VWC2L: variants seen among roughly 807,000 people sequenced by gnomAD.
The protein encoded by VWC2L is von Willebrand factor C domain-containing protein 2-like.
A neutral mutation model predicts 21.6 loss-of-function variants in VWC2L; 10 were observed. That is an observed-to-expected ratio of 0.46 (90% confidence interval 0.29 to 0.78). The LOEUF is 0.78. Ranked by LOEUF, VWC2L falls within the 30% of genes least tolerant of loss-of-function variation. The pLI, the probability that VWC2L is intolerant of heterozygous loss-of-function variation, is 0.10. For missense variants in VWC2L, 209 were observed against 277.1 expected (o/e 0.75, Z 1.74); for synonymous variants, 96 against 94.3 (o/e 1.02, Z -0.10).
chr2:214,422,836 A>C (rs1279723473), intron 2 of VWC2L, among the ~76,000 whole-genome samples: 1 of 152,222 alleles, frequency 6.6e-6, no homozygotes, highest in Non-Finnish European at 1.5e-5. Context: ...AAGTTTTCAG[A>C]TGACATTATT....
rs180743879 is a variant in VWC2L, at chr2:214,428,613, A to G, written c.391-8016A>G. Among the ~76,000 whole-genome samples, 14 of 152,310 alleles carry G rather than the reference A, an allele frequency of 9.2e-5. 1 individual carries two copies. In the East Asian group the frequency reaches 2.7e-3, roughly 29 times the overall value. On this transcript the variant is annotated intron_variant, in intron 2 of 3. Coordinates refer to ENST00000312504, the MANE Select transcript of VWC2L (RefSeq NM_001080500.4). The stretch of plus-strand genomic sequence containing the variant: ...GAATGAGATAAGCTATGAACTAAGC[A>G]TCAAATAATGAACTATCAAATTCAG...
At chr2:214,492,897 G>T (rs1445183043) in intron 3 of VWC2L, among the ~76,000 whole-genome samples, 1 of 152,136 alleles carries the variant, frequency 6.6e-6, no homozygotes, top group Admixed American at 6.6e-5. Flanking sequence ...TGAGTTTGCT[G>T]GGGCTTTTGC....
intron 3 of VWC2L, among the ~76,000 whole-genome samples, chr2:214,529,540 A>G (rs1689399375): frequency 6.6e-6 from 1 of 152,150 alleles, no homozygotes; most frequent in Non-Finnish European, 1.5e-5. Flanking sequence ...TCAAGACCAC[A>G]TATTTGATTT....
chr2:214,550,938 C>G (rs1465607813), intron 3 of VWC2L, among the ~76,000 whole-genome samples: 1 of 152,152 alleles, frequency 6.6e-6, no homozygotes, highest in Non-Finnish European at 1.5e-5. Context: ...TTCACCAGCC[C>G]TCTCTTCAGC....
chr2:214,421,310 G>A (rs1438496944), intron 2 of VWC2L, among the ~76,000 whole-genome samples: 2 of 152,100 alleles, frequency 1.3e-5, no homozygotes, highest in Non-Finnish European at 2.9e-5. Context: ...AAGAATAAAT[G>A]GCTTCCAAAT....
chr2:214,492,071 G>T, intron 3 of VWC2L, among the ~76,000 whole-genome samples: 1 of 152,194 alleles, frequency 6.6e-6, no homozygotes, highest in East Asian at 1.9e-4. Context: ...TGGGCACTGT[G>T]AATATAACAG....
intron 3 of VWC2L, among the ~76,000 whole-genome samples, chr2:214,493,403 G>C (rs1428350001): frequency 6.6e-6 from 1 of 152,184 alleles, no homozygotes; most frequent in Admixed American, 6.6e-5. Flanking sequence ...AAAAATCTAA[G>C]AGTAGGTAAA....
At chr2:214,562,532 G>A (rs970295086) in intron 3 of VWC2L, among the ~76,000 whole-genome samples, 10 of 152,246 alleles carry the variant, frequency 6.6e-5, no homozygotes, top group Middle Eastern at 3.4e-3. Flanking sequence ...TGGGCCAAAT[G>A]GTATTTCTGG....
rs61671692 is a variant in VWC2L, at chr2:214,478,427, G to A, written c.520+41669G>A. Among the ~76,000 whole-genome samples, 584 of 151,336 alleles carry A rather than the reference G, an allele frequency of 3.9e-3. 5 individuals are homozygous for A. The highest frequency in any genetic ancestry group is 0.014 in the African/African-American group (561 of 41,324). On this transcript the variant is annotated intron_variant, in intron 3 of 3. Transcript: ENST00000312504. Reference sequence around the variant, plus strand: ...CCAGGAGGCGGAGTTTGCAGTGAGCGGAGATCGCGCCACTGCACTCTAGCC... The same window carrying A: ...CCAGGAGGCGGAGTTTGCAGTGAGCAGAGATCGCGCCACTGCACTCTAGCC...
intron 2 of VWC2L, 178 bp downstream of exon 2, chr2:214,414,761 T>C (rs1375296843): frequency 2.2e-5 from 15 of 678,216 alleles, no homozygotes; most frequent in Non-Finnish European, 3.6e-5. Flanking sequence ...ACTGGTTTGT[T>C]GATCATATTT....
chr2:214,451,165 A>C (rs574610746), intron 3 of VWC2L, among the ~76,000 whole-genome samples: 233 of 152,192 alleles, frequency 1.5e-3, no homozygotes, highest in African/African-American at 5.2e-3. Flanking sequence ...AAAATTTGGG[A>C]CTGGGACCCG....
intron 3 of VWC2L, among the ~76,000 whole-genome samples, chr2:214,471,490 C>T (rs997958837): frequency 1.4e-4 from 22 of 152,126 alleles, no homozygotes; most frequent in Non-Finnish European, 7.4e-5. Flanking sequence ...AGTTACTGTA[C>T]ACATGTAATC....
intron 3 of VWC2L, among the ~76,000 whole-genome samples, chr2:214,470,382 C>T (rs1406466222): frequency 2.6e-5 from 4 of 151,734 alleles, no homozygotes; most frequent in Admixed American, 2.6e-4. Context: ...CCCATAGGTA[C>T]TTATAGGTTT....
rs1052032640 is a variant in VWC2L at position 214,411,383 on chromosome 2, T to A, written c.-484T>A. 2.0e-4 allele frequency: 31 copies of A among 152,160 alleles called. No individual in the cohort carries two copies. The highest frequency in any genetic ancestry group is 7.5e-4 in the African/African-American group (31 of 41,436). The allele number at this position is 152,160 out of a possible 1,614,324, so 9.4% of individuals were successfully genotyped here. On this transcript the variant is annotated 5_prime_UTR_variant, in exon 1 of 4. Transcript: ENST00000312504. ...CCTAGCCAAATCACCTCTACTGCCG[T>A]AGCAAACACTGTGTAAGTGAACTCA...
At chr2:214,444,334 G>A (rs1038313952) in intron 3 of VWC2L, among the ~76,000 whole-genome samples, 19 of 151,906 alleles carry the variant, frequency 1.3e-4, no homozygotes, top group Non-Finnish European at 2.4e-4. Flanking sequence ...TCTTTAAAAT[G>A]GGCCAAAAAC....
At chr2:214,460,547 G>A (rs1442850480) in intron 3 of VWC2L, among the ~76,000 whole-genome samples, 1 of 151,974 alleles carries the variant, frequency 6.6e-6, no homozygotes, top group South Asian at 2.1e-4. Context: ...TTTTCTGCTT[G>A]ATCTAGCCTA....
At chr2:214,491,598 T>C (rs1688746412) in intron 3 of VWC2L, among the ~76,000 whole-genome samples, 1 of 152,218 alleles carries the variant, frequency 6.6e-6, no homozygotes, top group South Asian at 2.1e-4. Context: ...ACTCCCGTAT[T>C]AGGGAGCAAG....
intron 3 of VWC2L, among the ~76,000 whole-genome samples, chr2:214,527,684 C>T (rs554663776): frequency 7.2e-5 from 11 of 152,276 alleles, no homozygotes; most frequent in African/African-American, 2.4e-4. Context: ...AGATGTCTTT[C>T]CACAAGCCTG....
At chr2:214,467,839 T>C (rs1198598253) in intron 3 of VWC2L, among the ~76,000 whole-genome samples, 1 of 152,124 alleles carries the variant, frequency 6.6e-6, no homozygotes, top group Non-Finnish European at 1.5e-5. Context: ...CATAAGTTGT[T>C]TATATTTTTA....
Sources: allele counts gnomAD v4.1 joint callset (sites outside exome capture counted in the v4.1 genomes callset), GRCh38; gene constraint gnomAD v4.1.1; transcripts MANE v1.5; gene names NCBI Gene and HGNC (gene_info 2026-07-23, HGNC 2026-07-21).